The following FBRSL1 variants were observed in gnomAD, a reference collection of about 807,000 sequenced individuals.
FBRSL1 encodes fibrosin like 1.
Under a neutral mutation model 89.6 loss-of-function variants are expected in FBRSL1, and 51 were observed. The observed-to-expected ratio is 0.57, with a 90% CI of 0.45 to 0.72. The LOEUF (loss-of-function observed/expected upper bound fraction) is 0.72, where lower values mean the gene tolerates loss of function less well. Ranked by LOEUF, FBRSL1 falls within the 30% of genes least tolerant of loss-of-function variation. FBRSL1 has a pLI of 0.00. For synonymous variants in FBRSL1, 779 were observed against 681.1 expected (o/e 1.14, Z -2.24); for missense variants, 1,618 against 1,451.8 (o/e 1.11, Z -1.86).
At chr12:132,502,771 C>T (rs1342639983) in intron 1 of FBRSL1, among the ~76,000 whole-genome samples, 1 of 132,356 alleles carries the variant, frequency 7.6e-6, no homozygotes, top group East Asian at 2.2e-4. Flanking sequence ...CTGTCCCCGC[C>T]CCCTACCGTC....
chr12:132,525,791 G>A lies in FBRSL1; in HGVS notation c.547G>A (p.Glu183Lys), dbSNP rs756969405. Reference protein sequence around the residue: ...DRDSDDDSVLEATSSRDPLSD... With the variant: ...DRDSDDDSVLKATSSRDPLSD... ...GGACAGTGACGACGACAGCGTCCTC[G>A]AAGCCACCAGCTCCCGGGACCCGCT... The change falls in exon 3 of 19, where the codon GAA becomes AAA. Residue 183 changes from glutamate (E) to lysine (K), a missense_variant. Physicochemically the swap from Glu to Lys is moderately conservative, Grantham distance 56. Coordinates refer to ENST00000680143, the MANE Select transcript of FBRSL1 (RefSeq NM_001367871.1). 9.0e-6 allele frequency: 14 copies of A among 1,549,702 alleles called. No individual in the cohort carries two copies. The highest frequency in any genetic ancestry group is 2.4e-5 in the South Asian group (2 of 84,056).
chr12:132,529,281 C>T (rs755199956), intron 4 of FBRSL1, among the ~76,000 whole-genome samples: 17 of 152,216 alleles, frequency 1.1e-4, no homozygotes, highest in Middle Eastern at 3.2e-3. Context: ...CTGGTGGGGA[C>T]GGCCCCCCAC....
At chr12:132,522,110 G>A (rs1593329042) in intron 2 of FBRSL1, among the ~76,000 whole-genome samples, 1 of 152,146 alleles carries the variant, frequency 6.6e-6, no homozygotes, top group East Asian at 1.9e-4. Context: ...TCAGCCTGGG[G>A]TGGTGTGTGT....
chr12:132,583,982 A>C lies in FBRSL1; in HGVS notation c.*204A>C, dbSNP rs531493123. On this transcript the variant is annotated 3_prime_UTR_variant, in exon 19 of 19. Transcript: ENST00000680143. ...TTTGGGATTCGGCTGTTGGGAAAAAAAAATCGCGTTTGTACCTTTTCCCCC... is the reference window on the plus strand; with the variant it reads ...TTTGGGATTCGGCTGTTGGGAAAAACAAATCGCGTTTGTACCTTTTCCCCC... 3.6e-5 allele frequency: 10 copies of C among 276,078 alleles called. No homozygotes were observed. In the South Asian group the frequency reaches 1.2e-3, roughly 33 times the overall value. The allele number at this position is 276,078 out of a possible 1,614,324, so 17.1% of individuals were successfully genotyped here.
At chr12:132,575,226 G>C (rs112791820) in intron 14 of FBRSL1, among the ~76,000 whole-genome samples, 79 of 151,770 alleles carry the variant, frequency 5.2e-4, no homozygotes, top group African/African-American at 1.9e-3. Flanking sequence ...GCAGAATGCT[G>C]TATGTCTTTC....
chr12:132,547,873 G>A (rs2037830855), intron 4 of FBRSL1, 130 bp from the exon 5 acceptor site: 1 of 951,180 alleles, frequency 1.1e-6, no homozygotes, highest in East Asian at 2.6e-5. Flanking sequence ...TGGGCCTGCT[G>A]GTACCTCCCT....
chr12:132,519,547 C>T (rs569653915), intron 2 of FBRSL1, among the ~76,000 whole-genome samples: 2 of 152,364 alleles, frequency 1.3e-5, no homozygotes, highest in Non-Finnish European at 2.9e-5. Flanking sequence ...CAGTGCCACA[C>T]CTCACCAGTA....
intron 5 of FBRSL1, chr12:132,566,509 G>A (rs1359350960): frequency 1.7e-5 from 1 of 59,194 alleles, no homozygotes; most frequent in African/African-American, 9.7e-5. Flanking sequence ...GTCCCCCAGA[G>A]CATGGGGCCC....
At chr12:132,551,146 G>A (rs1184165433) in intron 5 of FBRSL1, 9 of 342,572 alleles carry the variant, frequency 2.6e-5, no homozygotes, top group African/African-American at 1.1e-4. Context: ...CAGAATTCCC[G>A]GCTCTGAGAC....
At chr12:132,566,592 T>G (rs2039642459) in intron 5 of FBRSL1, among the ~76,000 whole-genome samples, 1 of 64,654 alleles carries the variant, frequency 1.5e-5, no homozygotes, top group Non-Finnish European at 2.8e-5. Flanking sequence ...CGAGTTTCTC[T>G]GGAAGAGATG....
intron 4 of FBRSL1, among the ~76,000 whole-genome samples, chr12:132,543,771 G>A (rs1054360064): frequency 1.3e-5 from 2 of 152,220 alleles, no homozygotes; most frequent in Admixed American, 1.3e-4. Flanking sequence ...ACACGCAGTG[G>A]CCCCTGGGGT....
chr12:132,543,991 G>T (rs2037477483), intron 4 of FBRSL1, among the ~76,000 whole-genome samples: 2 of 152,274 alleles, frequency 1.3e-5, no homozygotes, highest in South Asian at 4.1e-4. Context: ...CCTGTCGGGT[G>T]CCTCCCTCTG....
At position 132,499,087 on chromosome 12, in the gene FBRSL1, G is replaced by A. The variant is rs918137644; in HGVS notation, c.291+8226G>A. Among the ~76,000 whole-genome samples, 5 of 152,248 alleles carry A rather than the reference G, an allele frequency of 3.3e-5. No individual in the cohort carries two copies. Among genetic ancestry groups the A allele is most frequent in the African/African-American group, 9.6e-5 (4 of 41,468 alleles). On this transcript the variant is annotated intron_variant, in intron 1 of 18. Transcript: ENST00000680143. This position sits in a 1 kb window ranked among gnomAD's most constrained non-coding sequence, Gnocchi z 4.3. ...CTGCAAGGCCTCCAGGAGCTTGGGTGGCCAGACTGGTCCCTGGGACTGGTG... is the reference window on the plus strand; with the variant it reads ...CTGCAAGGCCTCCAGGAGCTTGGGTAGCCAGACTGGTCCCTGGGACTGGTG...
At chr12:132,576,058 G>C (rs2040362687) in intron 14 of FBRSL1, among the ~76,000 whole-genome samples, 1 of 152,188 alleles carries the variant, frequency 6.6e-6, no homozygotes, top group East Asian at 1.9e-4. Flanking sequence ...TGTGGCCAGT[G>C]CAGGTGAGGG....
intron 15 of FBRSL1, among the ~76,000 whole-genome samples, chr12:132,577,852 G>T (rs1280425822): frequency 6.6e-6 from 1 of 152,256 alleles, no homozygotes; most frequent in Non-Finnish European, 1.5e-5. Context: ...TGTGTGCACA[G>T]ACCTTTCCAA....
intron 5 of FBRSL1, among the ~76,000 whole-genome samples, chr12:132,555,264 G>C (rs774836686): frequency 1.1e-4 from 17 of 152,160 alleles, no homozygotes; most frequent in Non-Finnish European, 1.6e-4. Flanking sequence ...TATCTCTGGA[G>C]GGGGGTCACG....
chr12:132,551,098 G>A, intron 5 of FBRSL1: 1 of 318,538 alleles, frequency 3.1e-6, no homozygotes, highest in East Asian at 7.8e-5. Context: ...CTGCCAGGGA[G>A]CAGGCAGGAG....
chr12:132,530,148 C>T (rs577652994), intron 4 of FBRSL1, among the ~76,000 whole-genome samples: 69 of 151,928 alleles, frequency 4.5e-4, no homozygotes, highest in African/African-American at 1.4e-3. Flanking sequence ...GACGCTCCTC[C>T]GCCCTTCCCA....
Position 132,570,485 on chromosome 12 carries a change from GC to G in FBRSL1, c.1163del (p.Pro388ArgfsTer39). On this transcript the variant is annotated frameshift_variant, in exon 8 of 19. Transcript: ENST00000680143. LOFTEE classifies it high-confidence loss of function. ...AAMFAAPPTL[P>X]PPPALPASSL... ...CCATGTTTGCCGCACCCCCGACACT[GC>G]CCCCGCCCCCGGCGCTGCCGGCCAG... The G allele has an allele frequency of 1.3e-6, 2 of 1,529,174 alleles. No individual in the cohort carries two copies. Among genetic ancestry groups the G allele is most frequent in the East Asian group, 2.5e-5 (1 of 40,408 alleles). The allele number at this position is 1,529,174 out of a possible 1,614,324, so 94.7% of individuals were successfully genotyped here.
Sources: allele counts gnomAD v4.1 joint callset (sites outside exome capture counted in the v4.1 genomes callset), GRCh38; gene constraint gnomAD v4.1.1; non-coding constraint Gnocchi (gnomAD v3.1); transcripts MANE v1.5; gene names NCBI Gene and HGNC (gene_info 2026-07-23, HGNC 2026-07-21).